ELAVL2: variants seen among roughly 807,000 people sequenced by gnomAD.
ELAVL2 encodes the protein ELAV like RNA binding protein 2.
In ELAVL2, 4 loss-of-function variants were observed where a neutral mutation model predicts 34.6. That is an observed-to-expected ratio of 0.12 (90% CI 0.06 to 0.26). The LOEUF is 0.26. ELAVL2 is among the 10% of genes least tolerant of loss of function. The pLI is 1.00. For synonymous variants in ELAVL2, 193 were observed against 154.8 expected, an observed-to-expected ratio of 1.25 and a Z score of -1.83; for missense variants, 432 against 442.8, an observed-to-expected ratio of 0.98 and a Z score of 0.22.
intron 3 of ELAVL2, among the ~76,000 whole-genome samples, chr9:23,719,585 C>T (rs1456438089): frequency 6.6e-6 from 1 of 152,108 alleles, no homozygotes. Context: ...AGCTTTGGGG[C>T]AACATTTGGT....
intron 2 of ELAVL2, among the ~76,000 whole-genome samples, chr9:23,760,786 A>G (rs1456402520): frequency 6.6e-6 from 1 of 152,042 alleles, no homozygotes; most frequent in Non-Finnish European, 1.5e-5. Context: ...TTAGCTTTTT[A>G]ACTTGATTTC....
At chr9:23,787,093 T>C (rs964807179) in intron 1 of ELAVL2, among the ~76,000 whole-genome samples, 2 of 151,816 alleles carry the variant, frequency 1.3e-5, no homozygotes, top group African/African-American at 4.8e-5. Context: ...ATACGGCAAA[T>C]GTGAGAAAGA....
intron 2 of ELAVL2, among the ~76,000 whole-genome samples, chr9:23,749,293 G>A (rs1216635178): frequency 6.6e-6 from 1 of 152,026 alleles, no homozygotes; most frequent in Non-Finnish European, 1.5e-5. Flanking sequence ...TATAATACAA[G>A]TAGGCTAAAA....
At chr9:23,704,877 C>G (rs1322163000) in intron 4 of ELAVL2, 41 bp downstream of exon 4, 1 of 1,607,742 alleles carries the variant, frequency 6.2e-7, no homozygotes, top group Admixed American at 1.7e-5. Context: ...ATCTGCTAGT[C>G]AGAGACAGGG....
intron 3 of ELAVL2, among the ~76,000 whole-genome samples, chr9:23,712,523 T>G (rs16907633): frequency 6.6e-6 from 1 of 152,136 alleles, no homozygotes; most frequent in African/African-American, 2.4e-5. Context: ...TAGGAGATGT[T>G]GGAGAAAAAA....
intron 2 of ELAVL2, among the ~76,000 whole-genome samples, chr9:23,742,825 A>G (rs1482245435): frequency 6.6e-6 from 1 of 152,216 alleles, no homozygotes; most frequent in African/African-American, 2.4e-5. Flanking sequence ...ATGAAGAGGT[A>G]GTTAATCAAG....
chr9:23,711,263 C>T (rs1170789776), intron 3 of ELAVL2, among the ~76,000 whole-genome samples: 1 of 152,220 alleles, frequency 6.6e-6, no homozygotes, highest in Admixed American at 6.5e-5. Flanking sequence ...AGAAAACTAT[C>T]AGTGGAAAAT....
At chr9:23,735,652 T>C (rs1054287765) in intron 2 of ELAVL2, 3 of 152,242 alleles carry the variant, frequency 2.0e-5, no homozygotes, top group Non-Finnish European at 4.4e-5. Context: ...CTGTTGTGTA[T>C]GAATGCCTTT....
intron 1 of ELAVL2, among the ~76,000 whole-genome samples, chr9:23,796,360 A>G (rs2060927364): frequency 6.6e-6 from 1 of 152,232 alleles, no homozygotes; most frequent in African/African-American, 2.4e-5. Context: ...ATTACTGTCC[A>G]TTTGAAGAGC....
chr9:23,712,015 A>G (rs963414358), intron 3 of ELAVL2, among the ~76,000 whole-genome samples: 1 of 152,184 alleles, frequency 6.6e-6, no homozygotes, highest in African/African-American at 2.4e-5. Context: ...CATTTCTCAA[A>G]TTGGGGATTC....
intron 2 of ELAVL2, among the ~76,000 whole-genome samples, chr9:23,754,015 C>T (rs2052867447): frequency 6.6e-6 from 1 of 152,104 alleles, no homozygotes; most frequent in African/African-American, 2.4e-5. Flanking sequence ...CTGATAAGGG[C>T]TAGGAAAGCA....
intron 1 of ELAVL2, among the ~76,000 whole-genome samples, chr9:23,774,213 CAAAAAAAAAAAAAAA>C (rs57247631): frequency 1.6e-5 from 1 of 61,452 alleles, no homozygotes; most frequent in Admixed American, 2.2e-4. Flanking sequence ...GACTCCATCT[CAAAAAAAAAAAAAAA>C]AAAAAAAAAA....
At chr9:23,702,966 A>AC (rs1225568581) in intron 4 of ELAVL2, among the ~76,000 whole-genome samples, 17 of 143,014 alleles carry the variant, frequency 1.2e-4, no homozygotes, top group African/African-American at 4.6e-4. Context: ...AAAAAAAAAA[A>AC]AAAAAAAAAA....
At chr9:23,843,375 C>T in the ELAVL2 span, among the ~76,000 whole-genome samples, 1 of 152,052 alleles carries the variant, frequency 6.6e-6, no homozygotes, top group Non-Finnish European at 1.5e-5. Context: ...GAGCAAAATG[C>T]ATAATGATAT....
At chr9:23,831,594 A>T in the ELAVL2 span, 1 of 152,248 alleles carries the variant, frequency 6.6e-6, no homozygotes, top group South Asian at 2.1e-4. Context: ...TAATCACTTG[A>T]ATAGGTTTGC....
chr9:23,776,225 C>T (rs2058168539), intron 1 of ELAVL2, among the ~76,000 whole-genome samples: 1 of 152,202 alleles, frequency 6.6e-6, no homozygotes, highest in Non-Finnish European at 1.5e-5. Flanking sequence ...ACACACATCT[C>T]TTTCCGCATA....
intron 3 of ELAVL2, among the ~76,000 whole-genome samples, chr9:23,712,732 T>G (rs1252014611): frequency 6.6e-6 from 1 of 152,176 alleles, no homozygotes; most frequent in Non-Finnish European, 1.5e-5. Context: ...CTCATTTTCA[T>G]AGAATTTTCA....
the ELAVL2 span, among the ~76,000 whole-genome samples, chr9:23,849,161 T>C: frequency 6.6e-6 from 1 of 152,168 alleles, no homozygotes; most frequent in Non-Finnish European, 1.5e-5. Context: ...ATCCATGGAA[T>C]ATACCTCCTA....
intron 3 of ELAVL2, among the ~76,000 whole-genome samples, chr9:23,728,557 G>A (rs751615250): frequency 8.5e-5 from 13 of 152,098 alleles, no homozygotes; most frequent in Non-Finnish European, 1.8e-4. Context: ...AGTAACACGA[G>A]TAAAGTGGTG....
Sources: gnomAD v4.1 joint callset for allele counts (sites outside exome capture counted in the v4.1 genomes callset) on GRCh38, gnomAD v4.1.1 for gene constraint, MANE v1.5 for transcripts, NCBI Gene and HGNC (gene_info 2026-07-23, HGNC 2026-07-21) for gene names.